The following MALRD1 variants were observed in gnomAD, a reference collection of about 807,000 sequenced individuals.
MALRD1 encodes the protein MAM and LDL-receptor class A domain-containing protein 1.
In MALRD1, 247 loss-of-function variants were observed where a neutral mutation model predicts 242.1. The observed-to-expected ratio is 1.02, with a 90% confidence interval of 0.92 to 1.13. MALRD1 has a LOEUF of 1.13. Ranked by LOEUF, MALRD1 falls within the 50% of genes most tolerant of loss-of-function variation. The probability of loss-of-function intolerance (pLI) is 0.00; values close to 1 mark genes in which losing one functional copy is unlikely to be tolerated. For missense variants in MALRD1, 2,989 were observed against 2,533.1 expected, an observed-to-expected ratio of 1.18 and a Z score of -3.86; for synonymous variants, 995 against 866.6, an observed-to-expected ratio of 1.15 and a Z score of -2.60.
At chr10:19,208,448 G>A (rs2358351) in intron 17 of MALRD1, among the ~76,000 whole-genome samples, 111,709 of 151,934 alleles carry the variant, frequency 0.74, 41,309 homozygotes, top group South Asian at 0.83. Context: ...TTTTTATTTA[G>A]GTATAGATTC....
chr10:19,462,499 C>T (rs1457099181), intron 29 of MALRD1, among the ~76,000 whole-genome samples: 2 of 152,226 alleles, frequency 1.3e-5, no homozygotes, highest in African/African-American at 4.8e-5. Context: ...GTTCTCCCTT[C>T]ACTCAGGTTC....
At chr10:19,721,912 C>G (rs566935461) in intron 38 of MALRD1, 6 of 152,138 alleles carry the variant, frequency 3.9e-5, no homozygotes, top group African/African-American at 1.4e-4. Context: ...TTGGGCTAAG[C>G]GGAACAGGAA....
chr10:19,282,725 G>A (rs991740336), intron 20 of MALRD1, among the ~76,000 whole-genome samples: 16 of 152,136 alleles, frequency 1.1e-4, no homozygotes, highest in Admixed American at 7.9e-4. Flanking sequence ...TTGCTTAATG[G>A]AAGTGCTTAA....
chr10:19,217,913 A>G (rs1837393194), intron 18 of MALRD1, among the ~76,000 whole-genome samples: 1 of 152,114 alleles, frequency 6.6e-6, no homozygotes, highest in Non-Finnish European at 1.5e-5. Flanking sequence ...CACCTACACC[A>G]GTACCTGGTA....
At chr10:19,369,417 T>C (rs1047758766) in intron 26 of MALRD1, among the ~76,000 whole-genome samples, 7 of 147,058 alleles carry the variant, frequency 4.8e-5, no homozygotes, top group Non-Finnish European at 9.0e-5. Flanking sequence ...CACACATTCT[T>C]CTATGGAGTA....
intron 4 of MALRD1, among the ~76,000 whole-genome samples, chr10:19,103,566 T>TAAAATA (rs1349573768): frequency 0.035 from 4,916 of 139,428 alleles, 285 homozygotes; most frequent in African/African-American, 0.12. Context: ...AAAAAAAAAA[T>TAAAATA]AAATAAAGAT....
chr10:19,333,475 T>G (rs956680076), intron 24 of MALRD1, among the ~76,000 whole-genome samples: 2 of 152,158 alleles, frequency 1.3e-5, no homozygotes, highest in African/African-American at 4.8e-5. Flanking sequence ...AAGGACTTGA[T>G]TTCATTCTTT....
At chr10:19,384,289 T>G (rs975386195) in intron 26 of MALRD1, among the ~76,000 whole-genome samples, 1 of 135,598 alleles carries the variant, frequency 7.4e-6, no homozygotes, top group Non-Finnish European at 1.5e-5. Context: ...ATATATAATA[T>G]ATGTATTATA....
chr10:19,226,092 T>C (rs113655651), intron 18 of MALRD1, among the ~76,000 whole-genome samples: 8 of 152,104 alleles, frequency 5.3e-5, no homozygotes, highest in Non-Finnish European at 1.0e-4. Flanking sequence ...TGAACTTAGA[T>C]GCAACATTCT....
chr10:19,705,015 A>G lies in MALRD1; in HGVS notation c.6314+12461A>G, dbSNP rs117477724. 2.6e-3 allele frequency among the ~76,000 whole-genome samples: 400 copies of G among 152,266 alleles called. 10 individuals carry two copies. The East Asian group carries it at 0.053, about 20-fold the overall frequency. On this transcript the variant is annotated intron_variant, in intron 38 of 39. Transcript: ENST00000454679. ...AGAAAGAAAGGTGATTAGGATCCCAAATCTTGGACTAGCTAACCCCGTGAG... is the reference window on the plus strand; with the variant it reads ...AGAAAGAAAGGTGATTAGGATCCCAGATCTTGGACTAGCTAACCCCGTGAG...
At position 19,593,112 on chromosome 10, in the gene MALRD1, A is replaced by G. The variant is rs182094607; in HGVS notation, c.5681-2082A>G. On this transcript the variant is annotated intron_variant, in intron 33 of 39. Coordinates refer to ENST00000454679, the MANE Select transcript of MALRD1 (RefSeq NM_001142308.3). ...CATGGTCCAGTACCAGAAGAGCTACATATAAAAGTATAAAGATTTAAATCC... is the reference window on the plus strand; with the variant it reads ...CATGGTCCAGTACCAGAAGAGCTACGTATAAAAGTATAAAGATTTAAATCC... Among the ~76,000 whole-genome samples the G allele has an allele frequency of 8.1e-4, 123 of 152,334 alleles. 1 individual carries two copies. Among genetic ancestry groups the G allele is most frequent in the Non-Finnish European group, 1.5e-3 (105 of 68,032 alleles).
chr10:19,314,040 A>G (rs758866364), intron 21 of MALRD1, among the ~76,000 whole-genome samples: 1 of 151,634 alleles, frequency 6.6e-6, no homozygotes, highest in Non-Finnish European at 1.5e-5. Flanking sequence ...GGAGAATTTC[A>G]TATAGAAAAG....
chr10:19,498,445 G>A, intron 30 of MALRD1, 40 bp from the exon 31 acceptor site: 1 of 1,509,280 alleles, frequency 6.6e-7, no homozygotes. Context: ...AAATGTGATA[G>A]ACATTTCCAG....
rs1279815821 is a variant in MALRD1 at position 19,373,877 on chromosome 10, A to G, written c.4442-13651A>G. 3.9e-5 allele frequency among the ~76,000 whole-genome samples: 6 copies of G among 152,202 alleles called. No individual in the cohort carries two copies. In the East Asian group the frequency reaches 1.2e-3, roughly 29 times the overall value. On this transcript the variant is annotated intron_variant, in intron 26 of 39. Transcript: ENST00000454679. ...TCTCTTGGTTAGATTTTCACTAGAT[A>G]TACAAGAACGCACATTTATCAATTC...
chr10:19,415,253 A>G (rs1401223581), intron 28 of MALRD1, among the ~76,000 whole-genome samples: 1 of 152,156 alleles, frequency 6.6e-6, no homozygotes, highest in Non-Finnish European at 1.5e-5. Context: ...CATACAAAGG[A>G]TTTATTTATT....
chr10:19,065,006 G>A (rs2131237300), intron 1 of MALRD1, among the ~76,000 whole-genome samples: 1 of 152,056 alleles, frequency 6.6e-6, no homozygotes, highest in Middle Eastern at 3.4e-3. Flanking sequence ...CCTAGAAAAG[G>A]GCCGGGTGCG....
At chr10:19,377,571 T>G (rs2130772823) in intron 26 of MALRD1, among the ~76,000 whole-genome samples, 1 of 152,214 alleles carries the variant, frequency 6.6e-6, no homozygotes, top group African/African-American at 2.4e-5. Context: ...TTGTGAAGAT[T>G]GAATAAGATA....
At chr10:19,224,198 C>T (rs1007459089) in intron 18 of MALRD1, among the ~76,000 whole-genome samples, 2 of 152,068 alleles carry the variant, frequency 1.3e-5, no homozygotes, top group African/African-American at 4.8e-5. Context: ...TCCACATCCT[C>T]TCTAGCACCT....
At chr10:19,535,232 C>G (rs532776981) in intron 32 of MALRD1, among the ~76,000 whole-genome samples, 1 of 151,990 alleles carries the variant, frequency 6.6e-6, no homozygotes, top group African/African-American at 2.4e-5. Flanking sequence ...TTGGAAACCA[C>G]GTGAGCATCA....
Sources: allele counts gnomAD v4.1 joint callset (sites outside exome capture counted in the v4.1 genomes callset), GRCh38; gene constraint gnomAD v4.1.1; transcripts MANE v1.5; gene names NCBI Gene and HGNC (gene_info 2026-07-23, HGNC 2026-07-21).